The following ADCY9 variants were observed in gnomAD, a reference collection of about 807,000 sequenced individuals.
ADCY9 encodes adenylate cyclase type 9.
In ADCY9, 50 loss-of-function variants were observed where a neutral mutation model predicts 101.5. The observed-to-expected ratio is 0.49, with a 90% CI of 0.39 to 0.62. The LOEUF is 0.62. ADCY9 is among the 20% of genes least tolerant of loss of function. The probability of loss-of-function intolerance (pLI) is 0.00; values close to 1 mark genes in which losing one functional copy is unlikely to be tolerated. For synonymous variants in ADCY9, 905 were observed against 769.3 expected (o/e 1.18, Z -2.92); for missense variants, 1,662 against 1,800.4 (o/e 0.92, Z 1.39).
At chr16:3,954,020 C>A (rs1256710235) in intron 5 of ADCY9, among the ~76,000 whole-genome samples, 1 of 152,174 alleles carries the variant, frequency 6.6e-6, no homozygotes. Flanking sequence ...GCCTACAAAG[C>A]GTGAAACTGA....
rs1228112821 is a variant in ADCY9 at position 4,114,204 on chromosome 16, G to A, written c.1239C>T (p.His413=). Residue 413 remains histidine, a synonymous_variant, in exon 2 of 11, where the codon CAC becomes CAT. Transcript: ENST00000294016. The surrounding 1 kb of genome is among the most constrained non-coding windows in gnomAD (Gnocchi z 4.3). ...FTKMSANKSA[H]ALVGLLNDLF... is the part of the protein sequence containing the mutation. ...GATCGTTCAGGAGACCCACCAGGGC[G>A]TGGGCAGACTTGTTGGCACTCATCT... is the stretch of plus-strand genomic sequence containing the variant. 34 of 1,613,846 alleles carry A rather than the reference G, an allele frequency of 2.1e-5. No homozygotes were observed. The highest frequency in any genetic ancestry group is 2.7e-5 in the Non-Finnish European group (32 of 1,180,046).
intron 2 of ADCY9, among the ~76,000 whole-genome samples, chr16:4,061,426 G>T (rs1359951257): frequency 1.3e-5 from 2 of 152,114 alleles, no homozygotes; most frequent in Admixed American, 1.3e-4. Flanking sequence ...TAGCCAAACT[G>T]CTGGAAGCCA....
chr16:3,992,841 G>C lies in ADCY9; in HGVS notation c.1990-478C>G, dbSNP rs2056256439. Among the ~76,000 whole-genome samples the C allele has an allele frequency of 6.6e-6, 1 of 152,122 alleles. No individual in the cohort carries two copies. Among genetic ancestry groups the C allele is most frequent in the African/African-American group, 2.4e-5 (1 of 41,428 alleles). On this transcript the variant is annotated intron_variant, in intron 4 of 10. Transcript: ENST00000294016. This position sits in a 1 kb window ranked among gnomAD's most constrained non-coding sequence, Gnocchi z 4.2. ...GTCCCCCGTGGCTGTGGGAAGGCATGGGATGACCTGCACCTGCAATCCTTT... is the reference window on the plus strand; with the variant it reads ...GTCCCCCGTGGCTGTGGGAAGGCATCGGATGACCTGCACCTGCAATCCTTT...
chr16:4,058,634 T>A (rs1425360605), intron 2 of ADCY9, among the ~76,000 whole-genome samples: 3 of 152,064 alleles, frequency 2.0e-5, no homozygotes, highest in Admixed American at 1.3e-4. Context: ...TCCACTACTT[T>A]CCTGGAGAAC....
At chr16:4,017,057 G>C (rs991023630) in intron 2 of ADCY9, among the ~76,000 whole-genome samples, 4 of 152,096 alleles carry the variant, frequency 2.6e-5, no homozygotes, top group African/African-American at 7.2e-5. Context: ...TCAGCTACTT[G>C]GGAGGCTGAG....
intron 2 of ADCY9, among the ~76,000 whole-genome samples, chr16:4,047,859 A>T (rs935191691): frequency 1.3e-5 from 2 of 152,208 alleles, no homozygotes; most frequent in African/African-American, 4.8e-5. Context: ...GCATCCGGCC[A>T]GAGTGTGTTG....
Position 3,965,799 on chromosome 16 carries a change from C to T in ADCY9, c.4038G>A (p.Lys1346=). 6.2e-7 allele frequency: 1 copy of T among 1,613,684 alleles called. No homozygotes were observed. Among genetic ancestry groups the T allele is most frequent in the Non-Finnish European group, 8.5e-7 (1 of 1,179,866 alleles). ...TGIEEANELT[K]LNVSKSV is the part of the protein sequence containing the mutation. ...CTCACACACTCTTTGAAACGTTGAG[C>T]TTGGTGAGTTCGTTGGCTTCTTCTA... Residue 1346 remains lysine (K), a synonymous_variant, in exon 11 of 11, where the codon AAG becomes AAA. Coordinates refer to ENST00000294016, the MANE Select transcript of ADCY9 (RefSeq NM_001116.4).
chr16:4,069,302 A>G (rs945767319), intron 2 of ADCY9, among the ~76,000 whole-genome samples: 1 of 147,248 alleles, frequency 6.8e-6, no homozygotes, highest in Non-Finnish European at 1.5e-5. Context: ...TATTATTATT[A>G]GGGGGATTGT....
chr16:3,977,607 G>A lies in ADCY9; in HGVS notation c.2703C>T (p.Ala901=), dbSNP rs374557206. 3.1e-6 allele frequency: 5 copies of A among 1,612,440 alleles called. No individual in the cohort carries two copies. The highest frequency in any genetic ancestry group is 2.2e-5 in the East Asian group (1 of 44,860). ...NIHFPVFTGS[A]ALIAVVHYCN... ...AGTAGTGCACGACGGCAATCAGCGC[G>A]GCCGAGCCTGTGAACACTGGGAACT... is the stretch of plus-strand genomic sequence containing the variant. Residue 901 remains alanine, a synonymous_variant, in exon 9 of 11, where the codon GCC becomes GCT. Transcript: ENST00000294016.
At chr16:4,098,674 T>C (rs758381566) in intron 2 of ADCY9, among the ~76,000 whole-genome samples, 5 of 152,088 alleles carry the variant, frequency 3.3e-5, no homozygotes, top group African/African-American at 7.2e-5. Flanking sequence ...TACATTCCAG[T>C]GGCGTGGAAA....
chr16:4,029,723 C>T lies in ADCY9; in HGVS notation c.1694-22165G>A, dbSNP rs571976442. ...TTGTGCCACTGCACTCCAGCCTGGG[C>T]GACAGAGTGAGACTCTGTCTCAAGA... is the stretch of plus-strand genomic sequence containing the variant. On this transcript the variant is annotated intron_variant, in intron 2 of 10. Transcript: ENST00000294016. 7.9e-5 allele frequency among the ~76,000 whole-genome samples: 12 copies of T among 152,104 alleles called. 1 individual carries two copies. The highest frequency in any genetic ancestry group is 6.2e-4 in the South Asian group (3 of 4,808).
At chr16:4,107,523 C>T (rs1377887895) in intron 2 of ADCY9, among the ~76,000 whole-genome samples, 1 of 133,828 alleles carries the variant, frequency 7.5e-6, no homozygotes, top group Non-Finnish European at 1.5e-5. Context: ...GGCATTCCAG[C>T]CTGGGTGACA....
At chr16:4,054,943 GT>G (rs1203755036) in intron 2 of ADCY9, among the ~76,000 whole-genome samples, 2 of 152,164 alleles carry the variant, frequency 1.3e-5, no homozygotes, top group Non-Finnish European at 2.9e-5. Context: ...AGATTTTAGG[GT>G]TTTTGCGGGT....
At chr16:4,006,708 A>G (rs2056369528) in intron 3 of ADCY9, among the ~76,000 whole-genome samples, 1 of 152,168 alleles carries the variant, frequency 6.6e-6, no homozygotes, top group Non-Finnish European at 1.5e-5. Flanking sequence ...GGGAAACTAA[A>G]TCAAATGTGA....
At chr16:4,031,787 G>C (rs1214755839) in intron 2 of ADCY9, among the ~76,000 whole-genome samples, 1 of 151,918 alleles carries the variant, frequency 6.6e-6, no homozygotes, top group African/African-American at 2.4e-5. Flanking sequence ...AGAGGTGAGA[G>C]GATCATCTGA....
intron 3 of ADCY9, among the ~76,000 whole-genome samples, chr16:4,004,553 C>G (rs1480248423): frequency 6.6e-6 from 1 of 152,204 alleles, no homozygotes; most frequent in Non-Finnish European, 1.5e-5. Context: ...CTCTGCAGAG[C>G]TGCATCGCTC....
chr16:4,018,914 G>A (rs1336373808), intron 2 of ADCY9, among the ~76,000 whole-genome samples: 2 of 131,656 alleles, frequency 1.5e-5, no homozygotes, highest in African/African-American at 5.4e-5. Flanking sequence ...ATGTATTTCG[G>A]ACTTCCTTTT....
chr16:4,112,175 G>A (rs894123955), intron 2 of ADCY9, among the ~76,000 whole-genome samples: 2 of 152,166 alleles, frequency 1.3e-5, no homozygotes, highest in Admixed American at 6.5e-5. Context: ...CCACAGCCCC[G>A]TCCACTGACA....
chr16:4,108,081 T>C (rs373087885), intron 2 of ADCY9, among the ~76,000 whole-genome samples: 1 of 152,220 alleles, frequency 6.6e-6, no homozygotes, highest in Non-Finnish European at 1.5e-5. Flanking sequence ...TTCAGAGATA[T>C]GACCATGGGT....
Sources: allele counts gnomAD v4.1 joint callset (sites outside exome capture counted in the v4.1 genomes callset), GRCh38; gene constraint gnomAD v4.1.1; non-coding constraint Gnocchi (gnomAD v3.1); transcripts MANE v1.5; gene names NCBI Gene and HGNC (gene_info 2026-07-23, HGNC 2026-07-21).